Variants in GET1 observed in about 807,000 individuals in gnomAD.
The protein encoded by GET1 is guided entry of tail-anchored proteins factor 1.
A neutral mutation model predicts 22.6 loss-of-function variants in GET1; 20 were observed. The observed-to-expected ratio is 0.89, with a 90% CI of 0.62 to 1.29. The LOEUF (loss-of-function observed/expected upper bound fraction) is 1.29, where lower values mean the gene tolerates loss of function less well. Ranked by LOEUF, GET1 falls within the 50% of genes most tolerant of loss-of-function variation. GET1 has a pLI of 0.00. For missense variants in GET1, 209 were observed against 219.9 expected, an observed-to-expected ratio of 0.95 and a Z score of 0.31; for synonymous variants, 92 against 83.8, an observed-to-expected ratio of 1.10 and a Z score of -0.53.
At chr21:39,382,844 C>A (rs1203283211) in intron 1 of GET1, among the ~76,000 whole-genome samples, 4 of 152,226 alleles carry the variant, frequency 2.6e-5, no homozygotes, top group Non-Finnish European at 4.4e-5. Context: ...TTTTCCATAG[C>A]AGCCACACCA....
chr21:39,394,483 C>T (rs1449725013), intron 4 of GET1, among the ~76,000 whole-genome samples: 1 of 152,112 alleles, frequency 6.6e-6, no homozygotes, highest in Non-Finnish European at 1.5e-5. Context: ...AAGCCTATTC[C>T]CACATGTTTT....
At chr21:39,414,713 C>CCTCTCTCTCT (rs147915021) in intron 1 of GET1, among the ~76,000 whole-genome samples, 3 of 119,882 alleles carry the variant, frequency 2.5e-5, no homozygotes, top group East Asian at 2.4e-4. Context: ...TGGTTCTCTC[C>CCTCTCTCTCT]CTCTCTCTCT....
chr21:39,392,793 C>G, intron 3 of GET1: 1 of 200,434 alleles, frequency 5.0e-6, no homozygotes, highest in African/African-American at 2.3e-5. Flanking sequence ...AAACGAGATA[C>G]TCAGTGAGAA....
chr21:39,403,355 C>T (rs1046596819), intron 4 of GET1, among the ~76,000 whole-genome samples: 1 of 152,218 alleles, frequency 6.6e-6, no homozygotes, highest in Non-Finnish European at 1.5e-5. Flanking sequence ...GACACGGAGT[C>T]TCGCTCTGTT....
intron 4 of GET1, 98 bp downstream of exon 4, chr21:39,393,378 C>A: frequency 1.1e-6 from 1 of 951,452 alleles, no homozygotes. Flanking sequence ...TCCTCACCGT[C>A]CATTTAGTGA....
chr21:39,408,979 T>C (rs2039592514), downstream of GET1, among the ~76,000 whole-genome samples: 1 of 152,242 alleles, frequency 6.6e-6, no homozygotes, highest in Admixed American at 6.5e-5. Context: ...AGGATACTAT[T>C]ATGAAATGAA....
Position 39,397,181 on chromosome 21 carries a change from G to A in GET1, c.*242G>A, listed in dbSNP as rs540801435. Reference sequence around the variant, plus strand: ...GTATGTACTAGTGAACACCGTCCTCGATCTGTACGAAATGTGAAATGTTTA... The same window carrying A: ...GTATGTACTAGTGAACACCGTCCTCAATCTGTACGAAATGTGAAATGTTTA... On this transcript the variant is annotated 3_prime_UTR_variant, in exon 5 of 5. Transcript: ENST00000649170. 1.0e-4 allele frequency: 53 copies of A among 517,790 alleles called. No homozygotes were observed. Among genetic ancestry groups the A allele is most frequent in the Middle Eastern group, 1.0e-3 (2 of 1,906 alleles). 32.1% of individuals were successfully genotyped at this position (517,790 alleles called of 1,614,324 possible). A position where few individuals can be genotyped will look rare whatever the true frequency, so the allele number is the denominator to read the frequency against.
At chr21:39,406,105 C>T in exon 5 of GET1, 1 of 1,614,226 alleles carries the variant, frequency 6.2e-7, no homozygotes, top group Non-Finnish European at 8.5e-7. Flanking sequence ...TTCCATGAGA[C>T]TGCTTTTCTT....
intron 3 of GET1, among the ~76,000 whole-genome samples, chr21:39,392,380 C>T (rs553199532): frequency 3.9e-5 from 6 of 152,132 alleles, no homozygotes; most frequent in Non-Finnish European, 5.9e-5. Flanking sequence ...TAGCAGCTGC[C>T]GTAAATATCC....
chr21:39,400,206 G>A (rs947341948), downstream of GET1, among the ~76,000 whole-genome samples: 9 of 142,994 alleles, frequency 6.3e-5, no homozygotes, highest in Non-Finnish European at 1.1e-4. Context: ...ACAGCCCCCC[G>A]GAACCGGAGC....
chr21:39,390,495 C>T (rs1418327347), intron 1 of GET1, among the ~76,000 whole-genome samples: 2 of 152,142 alleles, frequency 1.3e-5, no homozygotes, highest in East Asian at 3.9e-4. Context: ...GGATGAATCT[C>T]CCAGTGTTCT....
chr21:39,380,544 G>C (rs2037489375), intron 1 of GET1, 58 bp downstream of exon 1: 1 of 1,568,598 alleles, frequency 6.4e-7, no homozygotes, highest in Admixed American at 1.9e-5. Flanking sequence ...GTCCCCCGGC[G>C]GGTCTGGCGT....
intron 1 of GET1, among the ~76,000 whole-genome samples, chr21:39,388,420 G>A (rs916110697): frequency 6.6e-6 from 1 of 152,232 alleles, no homozygotes; most frequent in African/African-American, 2.4e-5. Context: ...AAAGGACCCA[G>A]TTCGGAATCA....
At chr21:39,395,619 C>T (rs753828787) in intron 4 of GET1, among the ~76,000 whole-genome samples, 1 of 152,212 alleles carries the variant, frequency 6.6e-6, no homozygotes. Context: ...CTGCCTTATC[C>T]TCCCAAAGTG....
At chr21:39,421,044 A>T (rs2042213473) in intron 1 of GET1, among the ~76,000 whole-genome samples, 1 of 152,168 alleles carries the variant, frequency 6.6e-6, no homozygotes, top group African/African-American at 2.4e-5. Context: ...CTAGAGAACA[A>T]ATATCACACG....
downstream of GET1, chr21:39,410,769 C>T (rs1042802717): frequency 2.6e-5 from 12 of 465,614 alleles, no homozygotes; most frequent in African/African-American, 1.6e-4. Context: ...ATCTAGACTG[C>T]ACTTTCCTGA....
At chr21:39,422,975 C>A (rs761958234) in intron 1 of GET1, 13 of 1,612,654 alleles carry the variant, frequency 8.1e-6, no homozygotes, top group Non-Finnish European at 1.0e-5. Flanking sequence ...GAAATACAGA[C>A]CTGTATTTTT....
In GET1 at chr21:39,385,125, C is replaced by A. The variant is rs565434431; in HGVS notation, c.102+4639C>A. ...TTTGAGGATTCAAGTGGGAAAGACT[C>A]ATGACAAGCAGCAGAAAGTCGAATT... On this transcript the variant is annotated intron_variant, in intron 1 of 4. Coordinates refer to ENST00000649170, the MANE Select transcript of GET1 (RefSeq NM_004627.6). Among the ~76,000 whole-genome samples, 10 of 152,232 alleles carry A rather than the reference C, an allele frequency of 6.6e-5. No individual in the cohort carries two copies. In the South Asian group the frequency reaches 1.9e-3, roughly 28 times the overall value.
chr21:39,414,598 T>G (rs1304329724), intron 1 of GET1, among the ~76,000 whole-genome samples: 1 of 151,956 alleles, frequency 6.6e-6, no homozygotes, highest in Non-Finnish European at 1.5e-5. Context: ...AAAGGTGGAG[T>G]TCACTGCTTG....
Sources: gnomAD v4.1 joint callset for allele counts (sites outside exome capture counted in the v4.1 genomes callset) on GRCh38, gnomAD v4.1.1 for gene constraint, MANE v1.5 for transcripts, NCBI Gene and HGNC (gene_info 2026-07-23, HGNC 2026-07-21) for gene names.